Variants in PRDM11 observed in about 807,000 individuals in gnomAD.
PRDM11 encodes PR domain-containing protein 11.
PRDM11 carries 20 observed loss-of-function variants against 97.8 expected under a neutral mutation model. That is an observed-to-expected ratio of 0.20 (90% CI 0.14 to 0.30). The LOEUF (loss-of-function observed/expected upper bound fraction) is 0.30. Ranked by LOEUF, PRDM11 falls within the 10% of genes least tolerant of loss-of-function variation. The pLI, the probability that PRDM11 is intolerant of heterozygous loss-of-function variation, is 1.00. For synonymous variants in PRDM11, 599 were observed against 637.7 expected (o/e 0.94, Z 0.91); for missense variants, 1,139 against 1,555.2 (o/e 0.73, Z 4.50).
intron 1 of PRDM11, among the ~76,000 whole-genome samples, chr11:45,135,811 C>T (rs914682947): frequency 5.3e-5 from 8 of 152,110 alleles, no homozygotes; most frequent in African/African-American, 1.4e-4. Flanking sequence ...ACCCATAATC[C>T]GAGTCTAACG....
chr11:45,162,413 G>A (rs2135705115), intron 1 of PRDM11, among the ~76,000 whole-genome samples: 1 of 152,184 alleles, frequency 6.6e-6, no homozygotes, highest in Non-Finnish European at 1.5e-5. Context: ...GATGCAGAAG[G>A]AAACCTCAAA....
intron 5 of PRDM11, chr11:45,208,904 G>A (rs143580094): frequency 2.2e-6 from 1 of 454,964 alleles, no homozygotes; most frequent in African/African-American, 2.0e-5. Flanking sequence ...AGCGTAAGAG[G>A]AAGCCCAAGT....
intron 5 of PRDM11, chr11:45,212,816 C>T (rs1172918421): frequency 4.4e-6 from 2 of 454,116 alleles, no homozygotes; most frequent in South Asian, 3.1e-5. Flanking sequence ...CGTCATCGGC[C>T]AGGCCATGGC....
In PRDM11 at chr11:45,226,124, C is replaced by T; in HGVS notation, c.1499C>T (p.Thr500Ile). The change falls in exon 8 of 8, where the codon ACC (threonine) becomes ATC (isoleucine). Residue 500 changes from threonine (T) to isoleucine (I), a missense_variant. Thr to Ile is a moderately conservative substitution (Grantham distance 89, BLOSUM62 -1). Transcript: ENST00000683152. ...GAGCCCTCCAAGATGTCATCGGCCA[C>T]CGGGCGCCGAATCCGGCGCTTTAAG... ...TDEPSKMSSA[T>I]GRRIRRFKQE... 6.5e-7 allele frequency: 1 copy of T among 1,533,214 alleles called. No individual in the cohort carries two copies. Among genetic ancestry groups the T allele is most frequent in the Non-Finnish European group, 8.7e-7 (1 of 1,146,066 alleles). The allele number at this position is 1,533,214 out of a possible 1,614,324, so 95.0% of individuals were successfully genotyped here.
At chr11:45,177,020 C>T (rs1852342448) in intron 1 of PRDM11, among the ~76,000 whole-genome samples, 2 of 152,224 alleles carry the variant, frequency 1.3e-5, no homozygotes, top group African/African-American at 4.8e-5. Flanking sequence ...ACCCTAACCT[C>T]ATGTCCTTTT....
intron 1 of PRDM11, among the ~76,000 whole-genome samples, chr11:45,119,292 A>C (rs1431612748): frequency 2.6e-5 from 4 of 152,172 alleles, no homozygotes; most frequent in African/African-American, 9.7e-5. Context: ...GAAGCTCAAA[A>C]CATTCCAAGG....
At chr11:45,106,051 C>A (rs1237881253) in intron 1 of PRDM11, among the ~76,000 whole-genome samples, 1 of 152,184 alleles carries the variant, frequency 6.6e-6, no homozygotes. Context: ...TTCAAATTTT[C>A]TCTCCAGTTC....
chr11:45,148,137 G>A (rs994839967), intron 1 of PRDM11, among the ~76,000 whole-genome samples: 7 of 152,184 alleles, frequency 4.6e-5, no homozygotes, highest in African/African-American at 1.7e-4. Context: ...AGGTGGACAA[G>A]CAGAGTTCTA....
At chr11:45,225,855 G>C in intron 7 of PRDM11, 140 bp from the exon 8 acceptor site, 1 of 1,102,082 alleles carries the variant, frequency 9.1e-7, no homozygotes, top group Non-Finnish European at 1.2e-6. Flanking sequence ...TTCTGGGCTG[G>C]GATTCAATCC....
At chr11:45,149,144 G>T (rs1851598683) in intron 1 of PRDM11, among the ~76,000 whole-genome samples, 1 of 152,100 alleles carries the variant, frequency 6.6e-6, no homozygotes, top group African/African-American at 2.4e-5. Context: ...CTCTCCCCAG[G>T]ACAACAGCAA....
At chr11:45,125,886 G>A (rs1277082767) in intron 1 of PRDM11, among the ~76,000 whole-genome samples, 1 of 152,142 alleles carries the variant, frequency 6.6e-6, no homozygotes, top group Non-Finnish European at 1.5e-5. Flanking sequence ...TTCAATTCCT[G>A]GGTATCCTTG....
At chr11:45,154,298 A>T (rs1382102560) in intron 1 of PRDM11, among the ~76,000 whole-genome samples, 1 of 152,154 alleles carries the variant, frequency 6.6e-6, no homozygotes, top group Non-Finnish European at 1.5e-5. Context: ...CGAGGCTGTG[A>T]TGAGCTGAGA....
rs1453949608 is a variant in PRDM11 at position 45,231,512 on chromosome 11, T to A, written c.*3353T>A. The A allele has an allele frequency of 6.6e-6, 1 of 151,982 alleles. No individual in the cohort carries two copies. Among genetic ancestry groups the A allele is most frequent in the Admixed American group, 6.6e-5 (1 of 15,252 alleles). The allele number at this position is 151,982 out of a possible 1,614,324, so 9.4% of individuals were successfully genotyped here. A position where few individuals can be genotyped will look rare whatever the true frequency, so the allele number is the denominator to read the frequency against. On this transcript the variant is annotated 3_prime_UTR_variant, in exon 8 of 8. Coordinates refer to ENST00000683152, the MANE Select transcript of PRDM11 (RefSeq NM_001384648.1). ...TGATGACTACAGGCTTAGAATGAAG[T>A]GTGTCTCTGGGGCTGAGACTTGGCA...
intron 1 of PRDM11, among the ~76,000 whole-genome samples, chr11:45,118,198 C>A (rs1181725318): frequency 1.3e-5 from 2 of 152,032 alleles, no homozygotes; most frequent in Non-Finnish European, 2.9e-5. Flanking sequence ...AATGTGGTAT[C>A]CTGGATAAAA....
intron 1 of PRDM11, among the ~76,000 whole-genome samples, chr11:45,175,283 C>T (rs1852300879): frequency 6.6e-6 from 1 of 152,156 alleles, no homozygotes; most frequent in Non-Finnish European, 1.5e-5. Flanking sequence ...CCTCTATATT[C>T]CACCTATTTG....
At chr11:45,222,656 T>G (rs1854151984) in intron 6 of PRDM11, among the ~76,000 whole-genome samples, 2 of 152,190 alleles carry the variant, frequency 1.3e-5, no homozygotes, top group African/African-American at 4.8e-5. Context: ...TAACTCCCTT[T>G]TGTGCTGTAA....
At chr11:45,197,275 A>G (rs1853157165) in intron 4 of PRDM11, among the ~76,000 whole-genome samples, 1 of 152,184 alleles carries the variant, frequency 6.6e-6, no homozygotes, top group Non-Finnish European at 1.5e-5. Context: ...GATACCAGTT[A>G]TAGGAGGAAT....
chr11:45,157,424 C>T lies in PRDM11; in HGVS notation c.-7+10547C>T, dbSNP rs538528691. ...CTGTGATCTGACAGGAGGCAGAGCT[C>T]AGGCGTTAATGCTTGCTAGCTCGCC... On this transcript the variant is annotated intron_variant, in intron 1 of 7. Transcript: ENST00000683152. Among the ~76,000 whole-genome samples, 3 of 152,280 alleles carry T rather than the reference C, an allele frequency of 2.0e-5. No homozygotes were observed. The South Asian group carries it at 6.2e-4, about 32-fold the overall frequency.
At chr11:45,175,610 A>G (rs929784804) in intron 1 of PRDM11, among the ~76,000 whole-genome samples, 1 of 152,226 alleles carries the variant, frequency 6.6e-6, no homozygotes, top group East Asian at 1.9e-4. Context: ...TAAAAATAAT[A>G]TTGCAGAGGA....
Sources: allele counts gnomAD v4.1 joint callset (sites outside exome capture counted in the v4.1 genomes callset), GRCh38; gene constraint gnomAD v4.1.1; transcripts MANE v1.5; gene names NCBI Gene and HGNC (gene_info 2026-07-23, HGNC 2026-07-21).